The following PLXNA2 variants were observed in gnomAD, a reference collection of about 807,000 sequenced individuals.
The protein encoded by PLXNA2 is plexin A2, also known as plexin-A2.
A neutral mutation model predicts 193.5 loss-of-function variants in PLXNA2; 91 were observed. The observed-to-expected ratio is 0.47, with a 90% CI of 0.40 to 0.56. PLXNA2 has a LOEUF of 0.56. PLXNA2 is among the 20% of genes least tolerant of loss of function. The pLI is 0.00. For missense variants in PLXNA2, 1,995 were observed against 2,503.2 expected (o/e 0.80, Z 4.33); for synonymous variants, 997 against 1,027.3 (o/e 0.97, Z 0.56).
intron 4 of PLXNA2, among the ~76,000 whole-genome samples, chr1:208,119,296 G>A (rs1411081337): frequency 6.6e-6 from 1 of 152,184 alleles, no homozygotes; most frequent in Non-Finnish European, 1.5e-5. Context: ...GGCCAGGCAT[G>A]CCATATATAT....
chr1:208,144,875 T>G (rs1393473117), intron 3 of PLXNA2, among the ~76,000 whole-genome samples: 2 of 151,996 alleles, frequency 1.3e-5, no homozygotes, highest in African/African-American at 4.8e-5. Flanking sequence ...TCAAGGGGAT[T>G]CTAAGAGTCA....
intron 20 of PLXNA2, among the ~76,000 whole-genome samples, chr1:208,043,955 C>T (rs1019697427): frequency 2.6e-5 from 4 of 152,242 alleles, no homozygotes; most frequent in Admixed American, 1.3e-4. Flanking sequence ...GCTGTGGTTG[C>T]GTGGGACATG....
chr1:208,059,660 G>A (rs1240601509), intron 13 of PLXNA2, among the ~76,000 whole-genome samples: 1 of 152,218 alleles, frequency 6.6e-6, no homozygotes, highest in Non-Finnish European at 1.5e-5. Flanking sequence ...TGCCCTGAAT[G>A]AACTGGGGAA....
At chr1:208,204,775 G>C (rs570444129) in intron 3 of PLXNA2, among the ~76,000 whole-genome samples, 10 of 152,222 alleles carry the variant, frequency 6.6e-5, no homozygotes, top group Non-Finnish European at 1.5e-4. Context: ...TCTCAAGGGA[G>C]GTAGACACCT....
chr1:208,171,714 C>A (rs1273164025), intron 3 of PLXNA2, among the ~76,000 whole-genome samples: 1 of 151,934 alleles, frequency 6.6e-6, no homozygotes, highest in Non-Finnish European at 1.5e-5. Flanking sequence ...ATTAGCCAGG[C>A]ATGATGTGGC....
At chr1:208,147,187 AC>A (rs1283134551) in intron 3 of PLXNA2, among the ~76,000 whole-genome samples, 2 of 151,924 alleles carry the variant, frequency 1.3e-5, no homozygotes, top group Non-Finnish European at 2.9e-5. Flanking sequence ...ACAACTGGCT[AC>A]TTTTTAATTT....
chr1:208,199,277 T>C (rs1670460455), intron 3 of PLXNA2, among the ~76,000 whole-genome samples: 1 of 152,190 alleles, frequency 6.6e-6, no homozygotes, highest in South Asian at 2.1e-4. Context: ...TCAGGCCTGG[T>C]ACAAGAAGCT....
At chr1:208,152,020 A>T (rs1392507483) in intron 3 of PLXNA2, among the ~76,000 whole-genome samples, 1 of 152,272 alleles carries the variant, frequency 6.6e-6, no homozygotes, top group Non-Finnish European at 1.5e-5. Flanking sequence ...TGGAGAAAGG[A>T]GCAAAGGATG....
In PLXNA2 at chr1:208,173,442, C is replaced by T. The variant is rs575721987; in HGVS notation, c.1372-30979G>A. On this transcript the variant is annotated intron_variant, in intron 3 of 31. Coordinates refer to ENST00000367033, the MANE Select transcript of PLXNA2 (RefSeq NM_025179.4). ...TATCTTATTTAATCCTTGCAACAAG[C>T]CCTGTGCATCCCATGTTATTATGTT... is the stretch of plus-strand genomic sequence containing the variant. Among the ~76,000 whole-genome samples, 178 of 152,316 alleles carry T rather than the reference C, an allele frequency of 1.2e-3. 4 individuals carry two copies. The highest frequency in any genetic ancestry group is 0.01 in the Middle Eastern group (3 of 294).
chr1:208,155,703 G>A (rs934076881), intron 3 of PLXNA2, among the ~76,000 whole-genome samples: 1 of 152,192 alleles, frequency 6.6e-6, no homozygotes, highest in Non-Finnish European at 1.5e-5. Context: ...CCCAACACCC[G>A]GCTGCACTGG....
At position 208,045,141 on chromosome 1, in the gene PLXNA2, G is replaced by T. The variant is rs745858761; in HGVS notation, c.3565C>A (p.Pro1189Thr). 1 of 1,614,026 alleles carries T rather than the reference G, an allele frequency of 6.2e-7. No individual in the cohort carries two copies. The highest frequency in any genetic ancestry group is 1.7e-5 in the Admixed American group (1 of 60,004). ...GTCTCAGATACGGTGACAGCACAAGGGGTCTCTCCGATGAGCACAGTGTAG... is the reference window on the plus strand; with the variant it reads ...GTCTCAGATACGGTGACAGCACAAGTGGTCTCTCCGATGAGCACAGTGTAG... ...LNYTVLIGET[P>T]CAVTVSETQL... Residue 1189 changes from proline to threonine, a missense_variant, in exon 19 of 32, where the codon CCT becomes ACT. Physicochemically the swap from Pro to Thr is conservative, Grantham distance 38. Around this residue, in one of 3 missense-constraint regions of PLXNA2, gnomAD observed 1,291 missense variants for 1,673.6 expected, o/e 0.77. Coordinates refer to ENST00000367033, the MANE Select transcript of PLXNA2 (RefSeq NM_025179.4).
intron 3 of PLXNA2, among the ~76,000 whole-genome samples, chr1:208,145,676 A>C (rs1668581796): frequency 6.6e-6 from 1 of 151,982 alleles, no homozygotes; most frequent in Admixed American, 6.6e-5. Flanking sequence ...ACAACTTATC[A>C]TCACATTGTC....
chr1:208,028,749 A>T lies in PLXNA2; in HGVS notation c.5438+81T>A. On this transcript the variant is annotated intron_variant, in intron 30 of 31. Coordinates refer to ENST00000367033, the MANE Select transcript of PLXNA2 (RefSeq NM_025179.4). This position sits in a 1 kb window ranked among gnomAD's most constrained non-coding sequence, Gnocchi z 4.2. ...AAGAGATGACAGACACCGTCGTCTG[A>T]GTCCTTAGTCAGTGATGACTATAGA... 7.8e-7 allele frequency: 1 copy of T among 1,289,188 alleles called. No individual in the cohort carries two copies. The highest frequency in any genetic ancestry group is 1.5e-5 in the African/African-American group (1 of 67,786). The allele number at this position is 1,289,188 out of a possible 1,614,324, so 79.9% of individuals were successfully genotyped here. A position where few individuals can be genotyped will look rare whatever the true frequency, so the allele number is the denominator to read the frequency against.
chr1:208,030,997 CT>C, intron 29 of PLXNA2: 1 of 988,346 alleles, frequency 1.0e-6, no homozygotes. Context: ...ATTCTGCCTG[CT>C]GCTTCCTGAA....
At chr1:208,061,329 T>C (rs1231468616) in intron 12 of PLXNA2, among the ~76,000 whole-genome samples, 1 of 152,204 alleles carries the variant, frequency 6.6e-6, no homozygotes, top group Non-Finnish European at 1.5e-5. Flanking sequence ...TTATTGCCCC[T>C]GCTGTGTGCT....
chr1:208,221,381 GTTTTTTTT>G (rs33915614), intron 1 of PLXNA2, among the ~76,000 whole-genome samples: 27 of 58,086 alleles, frequency 4.6e-4, no homozygotes, highest in African/African-American at 1.1e-3. Flanking sequence ...TTCTTTTTCT[GTTTTTTTT>G]TTTTTTTTTT....
At chr1:208,196,087 T>C (rs749241138) in intron 3 of PLXNA2, among the ~76,000 whole-genome samples, 1 of 152,228 alleles carries the variant, frequency 6.6e-6, no homozygotes, top group African/African-American at 2.4e-5. Context: ...GTTGGGCTTA[T>C]GACAGAATGC....
chr1:208,079,520 G>T (rs1666265134), intron 11 of PLXNA2, 70 bp from the exon 12 acceptor site: 4 of 1,197,700 alleles, frequency 3.3e-6, no homozygotes, highest in Non-Finnish European at 4.7e-6. Context: ...CCTCTTGCAG[G>T]TGTGATAGAA....
At position 208,221,462 on chromosome 1, in the gene PLXNA2, C is replaced by T. The variant is rs543751022; in HGVS notation, c.-80-3460G>A. On this transcript the variant is annotated intron_variant, in intron 1 of 31. Transcript: ENST00000367033. ...AGCTGGGCTGTTTTCCTCTCACCCT[C>T]ATGCAGCATTTGCTTTGGGACAGGC... is the stretch of plus-strand genomic sequence containing the variant. Among the ~76,000 whole-genome samples the T allele has an allele frequency of 2.9e-5, 4 of 137,454 alleles. No homozygotes were observed. In the East Asian group the frequency reaches 9.4e-4, roughly 32 times the overall value. The allele number at this position is 137,454 out of a possible 152,430, so 90.2% of individuals were successfully genotyped here. A position where few individuals can be genotyped will look rare whatever the true frequency, so the allele number is the denominator to read the frequency against.
Sources: gnomAD v4.1 joint callset for allele counts (sites outside exome capture counted in the v4.1 genomes callset) on GRCh38, gnomAD v4.1.1 for gene constraint, gnomAD v4.1.1 regional missense constraint, Gnocchi (gnomAD v3.1) non-coding constraint, MANE v1.5 for transcripts, NCBI Gene and HGNC (gene_info 2026-07-23, HGNC 2026-07-21) for gene names.